The following BATF3 variants were observed in gnomAD, a reference collection of about 807,000 sequenced individuals.
BATF3 encodes basic leucine zipper transcriptional factor ATF-like 3.
A neutral mutation model predicts 16.1 loss-of-function variants in BATF3; 8 were observed. That is an observed-to-expected ratio of 0.50 (90% CI 0.29 to 0.90). The LOEUF (loss-of-function observed/expected upper bound fraction) is 0.90, where lower values mean the gene tolerates loss of function less well. BATF3 is among the 40% of genes least tolerant of loss of function. The pLI is 0.08. For synonymous variants in BATF3, 74 were observed against 72.7 expected, an observed-to-expected ratio of 1.02 and a Z score of -0.09; for missense variants, 139 against 167.0, an observed-to-expected ratio of 0.83 and a Z score of 0.92.
chr1:212,699,427 C>G lies in BATF3; in HGVS notation c.90+246G>C, dbSNP rs1484196696. 1.3e-5 allele frequency among the ~76,000 whole-genome samples: 2 copies of G among 152,136 alleles called. No homozygotes were observed. Among genetic ancestry groups the G allele is most frequent in the Non-Finnish European group, 2.9e-5 (2 of 67,988 alleles). Reference sequence around the variant, plus strand: ...GTCGGCGCCCTCGGGCTTCTTCCCCCAGAGGGCGCAGGAGCTGGCTCAGGA... The same window carrying G: ...GTCGGCGCCCTCGGGCTTCTTCCCCGAGAGGGCGCAGGAGCTGGCTCAGGA... On this transcript the variant is annotated intron_variant, in intron 1 of 2. Coordinates refer to ENST00000243440, the MANE Select transcript of BATF3 (RefSeq NM_018664.3). This position sits in a 1 kb window ranked among gnomAD's most constrained non-coding sequence, Gnocchi z 4.4.
Position 212,686,491 on chromosome 1 carries a change from AT to A in BATF3, c.*299del. On this transcript the variant is annotated 3_prime_UTR_variant, in exon 3 of 3. Coordinates refer to ENST00000243440, the MANE Select transcript of BATF3 (RefSeq NM_018664.3). The stretch of plus-strand genomic sequence containing the variant: ...GGGAGAGACAATAAGCATCTTTATT[AT>A]CCAAATTCTAGAGGAAATGGCTCTG... The A allele has an allele frequency of 2.7e-6, 1 of 369,164 alleles. No homozygotes were observed. Among genetic ancestry groups the A allele is most frequent in the Non-Finnish European group, 5.0e-6 (1 of 201,936 alleles). The allele number at this position is 369,164 out of a possible 1,614,324, so 22.9% of individuals were successfully genotyped here. A position where few individuals can be genotyped will look rare whatever the true frequency, so the allele number is the denominator to read the frequency against.
In BATF3 at chr1:212,686,779, G is replaced by T; in HGVS notation, c.*12C>A. On this transcript the variant is annotated 3_prime_UTR_variant, in exon 3 of 3. Coordinates refer to ENST00000243440, the MANE Select transcript of BATF3 (RefSeq NM_018664.3). Reference sequence around the variant, plus strand: ...CCAAGGCTCCTTGCTGGGCAGAGGAGTGTCCCCGGCTTCATCGGGGCAAGC... The same window carrying T: ...CCAAGGCTCCTTGCTGGGCAGAGGATTGTCCCCGGCTTCATCGGGGCAAGC... The T allele has an allele frequency of 6.2e-7, 1 of 1,606,032 alleles. No individual in the cohort carries two copies. The highest frequency in any genetic ancestry group is 2.2e-5 in the East Asian group (1 of 44,692).
intron 2 of BATF3, among the ~76,000 whole-genome samples, chr1:212,687,665 C>A (rs1025870691): frequency 2.6e-5 from 4 of 152,090 alleles, no homozygotes; most frequent in African/African-American, 7.2e-5. Context: ...GTGACTCATG[C>A]CTGTAATCTC....
At chr1:212,696,300 A>C (rs1288728528) in intron 2 of BATF3, among the ~76,000 whole-genome samples, 1 of 152,190 alleles carries the variant, frequency 6.6e-6, no homozygotes, top group Non-Finnish European at 1.5e-5. Flanking sequence ...GGAAAGCTTT[A>C]AGAAGAGATG....
At chr1:212,692,058 C>T (rs1245972018) in intron 2 of BATF3, among the ~76,000 whole-genome samples, 1 of 152,220 alleles carries the variant, frequency 6.6e-6, no homozygotes, top group Non-Finnish European at 1.5e-5. Flanking sequence ...GAAAACTCTG[C>T]GTGAAGGGGA....
At chr1:212,687,380 C>T (rs114905342) in intron 2 of BATF3, 284 of 193,132 alleles carry the variant, frequency 1.5e-3, no homozygotes, top group African/African-American at 6.0e-3. Flanking sequence ...GCACCTAGAA[C>T]AGTACCTGGA....
At chr1:212,687,007 T>C (rs771819602) in intron 2 of BATF3, 28 bp from the exon 3 acceptor site, 3 of 1,429,990 alleles carry the variant, frequency 2.1e-6, no homozygotes, top group South Asian at 2.3e-5. Context: ...GGCAAAATCA[T>C]TTCTGGTGCA....
chr1:212,691,255 G>A (rs1224173712), intron 2 of BATF3, among the ~76,000 whole-genome samples: 2 of 152,146 alleles, frequency 1.3e-5, no homozygotes, highest in Non-Finnish European at 2.9e-5. Context: ...AGTAGGAACA[G>A]GCTAACAGGA....
intron 2 of BATF3, among the ~76,000 whole-genome samples, chr1:212,688,716 G>A (rs1656922963): frequency 6.6e-6 from 1 of 152,182 alleles, no homozygotes; most frequent in African/African-American, 2.4e-5. Flanking sequence ...CAATGGCAGA[G>A]CTCTACGGCA....
intron 2 of BATF3, among the ~76,000 whole-genome samples, chr1:212,694,343 CAGT>C (rs1657075990): frequency 6.6e-6 from 1 of 152,120 alleles, no homozygotes; most frequent in African/African-American, 2.4e-5. Flanking sequence ...GTTTCAGCAG[CAGT>C]AGGAAATTAA....
In BATF3 at chr1:212,699,264, C is replaced by CCCCA. The variant is rs1553247692; in HGVS notation, c.90+408_90+409insTGGG. On this transcript the variant is annotated intron_variant, in intron 1 of 2. Transcript: ENST00000243440. The surrounding 1 kb of genome is among the most constrained non-coding windows in gnomAD (Gnocchi z 4.4). ...TCCATTCCCGCGGCAGCACCCCCCC[C>CCCCA]ACCCGGGGGAATCCTGGAGGGGCTA... Among the ~76,000 whole-genome samples the CCCCA allele has an allele frequency of 1.3e-5, 2 of 152,170 alleles. No individual in the cohort carries two copies. Among genetic ancestry groups the CCCCA allele is most frequent in the Non-Finnish European group, 2.9e-5 (2 of 68,008 alleles).
chr1:212,691,969 A>G (rs1657008761), intron 2 of BATF3, among the ~76,000 whole-genome samples: 1 of 152,244 alleles, frequency 6.6e-6, no homozygotes, highest in Non-Finnish European at 1.5e-5. Flanking sequence ...GAAAGCCCAC[A>G]GTGGACTCTG....
At chr1:212,687,339 G>T (rs1656874915) in intron 2 of BATF3, 1 of 248,568 alleles carries the variant, frequency 4.0e-6, no homozygotes, top group Admixed American at 4.7e-5. Context: ...GCTTTCCGAA[G>T]ATCTCTATTG....
chr1:212,686,430 A>C lies in BATF3; in HGVS notation c.*361T>G. On this transcript the variant is annotated 3_prime_UTR_variant, in exon 3 of 3. Transcript: ENST00000243440. ...GAAGACGACCTCTCCAGGAAAAGGA[A>C]GTGTATTGTGCCTGTAAATTCCCAG... 1 of 208,048 alleles carries C rather than the reference A, an allele frequency of 4.8e-6. No individual in the cohort carries two copies. The allele number at this position is 208,048 out of a possible 1,614,324, so 12.9% of individuals were successfully genotyped here.
chr1:212,695,363 G>A (rs1657100194), intron 2 of BATF3, among the ~76,000 whole-genome samples: 1 of 151,352 alleles, frequency 6.6e-6, no homozygotes, highest in South Asian at 2.1e-4. Flanking sequence ...GTGTAGTGGC[G>A]GGCGCCTGTA....
Position 212,687,033 on chromosome 1 carries a change from G to A in BATF3, c.196-54C>T, listed in dbSNP as rs1376391264. 63 of 1,175,682 alleles carry A rather than the reference G, an allele frequency of 5.4e-5. No homozygotes were observed. The East Asian group carries it at 8.6e-4, about 16-fold the overall frequency. 72.8% of individuals were successfully genotyped at this position (1,175,682 alleles called of 1,614,324 possible). ...TTCTGGTGCAGCGTTCCCTTCCTCC[G>A]TCCTCCTGTGCCGCGCTGTTCACCT... On this transcript the variant is annotated intron_variant, in intron 2 of 2. Transcript: ENST00000243440.
intron 2 of BATF3, among the ~76,000 whole-genome samples, chr1:212,690,369 C>T (rs1039146493): frequency 6.6e-6 from 1 of 152,222 alleles, no homozygotes; most frequent in Non-Finnish European, 1.5e-5. Context: ...TCTTCAGAGC[C>T]GCCCGACAGG....
At position 212,686,800 on chromosome 1, in the gene BATF3, C is replaced by A; in HGVS notation, c.375G>T (p.Leu125Phe). Residue 125 changes from leucine (L) to phenylalanine (F), a missense_variant, in exon 3 of 3, where the codon TTG becomes TTT. By Grantham distance (22) the Leu-to-Phe change is conservative (BLOSUM62 0). Transcript: ENST00000243440. Reference protein sequence around the residue: ...PPRPDPVAGCLPR With the variant: ...PPRPDPVAGCFPR ...AGGAGTGTCCCCGGCTTCATCGGGG[C>A]AAGCAGCCGGCCACAGGGTCCGGCC... The A allele has an allele frequency of 6.2e-7, 1 of 1,611,726 alleles. No individual in the cohort carries two copies. Among genetic ancestry groups the A allele is most frequent in the South Asian group, 1.1e-5 (1 of 91,052 alleles).
rs144772876 is a variant in BATF3, at chr1:212,692,035, C to T, written c.195+4926G>A. On this transcript the variant is annotated intron_variant, in intron 2 of 2. Transcript: ENST00000243440. ...CTCATCACCGTAGTCCAACTGCCAG[C>T]AACCACTGCCCAGAAAACTCTGCGT... Among the ~76,000 whole-genome samples, 1,382 of 152,356 alleles carry T rather than the reference C, an allele frequency of 9.1e-3. 13 individuals carry two copies. Among genetic ancestry groups the T allele is most frequent in the Middle Eastern group, 0.02 (6 of 294 alleles).
Sources: allele counts gnomAD v4.1 joint callset (sites outside exome capture counted in the v4.1 genomes callset), GRCh38; gene constraint gnomAD v4.1.1; non-coding constraint Gnocchi (gnomAD v3.1); transcripts MANE v1.5; gene names NCBI Gene and HGNC (gene_info 2026-07-23, HGNC 2026-07-21).